Variants in GSG1L observed in about 807,000 individuals in gnomAD.
The protein encoded by GSG1L is GSG1 like, also known as germ cell-specific gene 1-like protein.
GSG1L carries 24 observed loss-of-function variants against 42.1 expected under a neutral mutation model. That is an observed-to-expected ratio of 0.57 (90% CI 0.41 to 0.80). GSG1L has a LOEUF of 0.80. Ranked by LOEUF, GSG1L falls within the 30% of genes least tolerant of loss-of-function variation. The pLI is 0.00. For missense variants in GSG1L, 445 were observed against 472.2 expected, an observed-to-expected ratio of 0.94 and a Z score of 0.53; for synonymous variants, 215 against 203.5, an observed-to-expected ratio of 1.06 and a Z score of -0.48.
intron 1 of GSG1L, among the ~76,000 whole-genome samples, chr16:28,003,721 G>C (rs1490823788): frequency 6.6e-6 from 1 of 152,188 alleles, no homozygotes; most frequent in Non-Finnish European, 1.5e-5. Context: ...AGCCTTCCCT[G>C]ATTTCCTCCA....
chr16:27,853,557 C>G (rs1469552420), intron 3 of GSG1L, among the ~76,000 whole-genome samples: 1 of 152,190 alleles, frequency 6.6e-6, no homozygotes, highest in Non-Finnish European at 1.5e-5. Flanking sequence ...AGGTGCCCCC[C>G]AACCTTGTCT....
rs139124712 is a variant in GSG1L, at chr16:27,914,472, C to T, written c.398-29834G>A. On this transcript the variant is annotated intron_variant, in intron 2 of 6. Coordinates refer to ENST00000447459, the MANE Select transcript of GSG1L (RefSeq NM_001109763.2). ...CCTGATATGCAAAGTGAGGATACAG[C>T]CTCCCAGAGCTGTTTTAGAAGCGTT... 9.2e-5 allele frequency among the ~76,000 whole-genome samples: 14 copies of T among 152,168 alleles called. 1 individual carries two copies. The highest frequency in any genetic ancestry group is 3.4e-4 in the African/African-American group (14 of 41,532).
chr16:27,892,817 T>A (rs529331421), intron 2 of GSG1L, among the ~76,000 whole-genome samples: 1 of 146,312 alleles, frequency 6.8e-6, no homozygotes, highest in South Asian at 2.1e-4. Flanking sequence ...AAAGTCACCT[T>A]AAGGAAAAAC....
At chr16:28,012,990 C>A (rs901066622) in intron 1 of GSG1L, among the ~76,000 whole-genome samples, 1 of 151,854 alleles carries the variant, frequency 6.6e-6, no homozygotes. Flanking sequence ...TTTGGGAGGC[C>A]GAGGCGGGTG....
At chr16:27,816,270 T>G (rs911730377) in intron 5 of GSG1L, among the ~76,000 whole-genome samples, 2 of 152,310 alleles carry the variant, frequency 1.3e-5, no homozygotes, top group South Asian at 2.1e-4. Flanking sequence ...GAAAGGGATA[T>G]TTTGCAAGAA....
At chr16:27,929,677 G>T (rs2084634480) in intron 2 of GSG1L, among the ~76,000 whole-genome samples, 1 of 152,142 alleles carries the variant, frequency 6.6e-6, no homozygotes, top group African/African-American at 2.4e-5. Flanking sequence ...CTATTACCCT[G>T]TCTAAATTGT....
intron 2 of GSG1L, among the ~76,000 whole-genome samples, chr16:27,933,148 G>C (rs1207647417): frequency 1.3e-5 from 2 of 152,094 alleles, no homozygotes; most frequent in Non-Finnish European, 2.9e-5. Context: ...ATGGTTGCCA[G>C]TATGGAAGGG....
At chr16:27,956,800 GAAA>G (rs750646949) in intron 2 of GSG1L, among the ~76,000 whole-genome samples, 27 of 143,010 alleles carry the variant, frequency 1.9e-4, no homozygotes, top group Non-Finnish European at 3.7e-4. Context: ...GACATGTGAG[GAAA>G]AAAAAAAAAA....
At chr16:27,869,714 C>G (rs2083783961) in intron 3 of GSG1L, among the ~76,000 whole-genome samples, 1 of 120,142 alleles carries the variant, frequency 8.3e-6, no homozygotes, top group African/African-American at 3.3e-5. Context: ...TTTCTCTCTC[C>G]TTCTCTCTCT....
Position 27,909,341 on chromosome 16 carries a change from CTTTCTTTCTTTCTTT to C in GSG1L, c.398-24718_398-24704del, listed in dbSNP as rs1215694910. On this transcript the variant is annotated intron_variant, in intron 2 of 6. Coordinates refer to ENST00000447459, the MANE Select transcript of GSG1L (RefSeq NM_001109763.2). Reference sequence around the variant, plus strand: ...TTCTTTTCTCTCTTTCTTTCTTTTTCTTTCTTTCTTTCTTTTTTCTTTCTTTCTTTCTTCTTTTTC... The same window carrying C: ...TTCTTTTCTCTCTTTCTTTCTTTTTCTTTCTTTCTTTCTTTCTTCTTTTTC... Among the ~76,000 whole-genome samples, 13 of 150,032 alleles carry C rather than the reference CTTTCTTTCTTTCTTT, an allele frequency of 8.7e-5. No homozygotes were observed. The South Asian group carries it at 1.5e-3, about 17-fold the overall frequency.
At chr16:27,928,897 T>A (rs1221984255) in intron 2 of GSG1L, among the ~76,000 whole-genome samples, 1 of 152,184 alleles carries the variant, frequency 6.6e-6, no homozygotes, top group African/African-American at 2.4e-5. Flanking sequence ...CCTTACAAAC[T>A]AGCAGACTGA....
At chr16:27,874,940 T>A (rs2083868759) in intron 3 of GSG1L, among the ~76,000 whole-genome samples, 1 of 152,184 alleles carries the variant, frequency 6.6e-6, no homozygotes, top group Admixed American at 6.6e-5. Context: ...GGACCATGCA[T>A]TAAGCCTGTG....
At chr16:27,888,460 CTT>C (rs200667142) in intron 2 of GSG1L, among the ~76,000 whole-genome samples, 246 of 15,972 alleles carry the variant, frequency 0.015, 26 homozygotes, top group African/African-American at 0.027. Context: ...TTCTTTCTTT[CTT>C]TCTCTCTCTC....
chr16:27,813,437 G>A (rs1029976473), intron 5 of GSG1L, among the ~76,000 whole-genome samples: 1 of 152,188 alleles, frequency 6.6e-6, no homozygotes, highest in Non-Finnish European at 1.5e-5. Context: ...GTATTCCATG[G>A]TGTGTATGTA....
intron 2 of GSG1L, among the ~76,000 whole-genome samples, chr16:27,962,086 A>T (rs542767647): frequency 6.6e-6 from 1 of 152,300 alleles, no homozygotes; most frequent in East Asian, 1.9e-4. Context: ...CACTCTTGGC[A>T]GCCTATCTCC....
chr16:27,888,487 CTTTCTTTCTTTCTTTCTTTCTTTCTTT>C lies in GSG1L; in HGVS notation c.398-3876_398-3850del, dbSNP rs2084072305. ...TTCTCTCTCTCTCTCTCTTTCCTTT[CTTTCTTTCTTTCTTTCTTTCTTTCTTT>C]CTTTCTTTCTTTCTTTCTTTCTTTC... On this transcript the variant is annotated intron_variant, in intron 2 of 6. Coordinates refer to ENST00000447459, the MANE Select transcript of GSG1L (RefSeq NM_001109763.2). Among the ~76,000 whole-genome samples, 25 of 13,128 alleles carry C rather than the reference CTTTCTTTCTTTCTTTCTTTCTTTCTTT, an allele frequency of 1.9e-3. 2 individuals carry two copies. The highest frequency in any genetic ancestry group is 5.2e-3 in the African/African-American group (14 of 2,708). The allele number at this position is 13,128 out of a possible 152,430, so 8.6% of individuals were successfully genotyped here.
intron 2 of GSG1L, among the ~76,000 whole-genome samples, chr16:27,921,109 A>T (rs1189480539): frequency 6.6e-6 from 1 of 152,140 alleles, no homozygotes; most frequent in Non-Finnish European, 1.5e-5. Flanking sequence ...ATCCAGTTAT[A>T]TCACTCCCCT....
intron 4 of GSG1L, among the ~76,000 whole-genome samples, chr16:27,840,153 C>G (rs1158056769): frequency 6.6e-6 from 1 of 152,020 alleles, no homozygotes; most frequent in Admixed American, 6.6e-5. Flanking sequence ...CTTTACCCTC[C>G]TGAGTGGCTG....
chr16:27,977,028 C>T (rs1436995100), intron 1 of GSG1L, among the ~76,000 whole-genome samples: 2 of 152,174 alleles, frequency 1.3e-5, no homozygotes, highest in African/African-American at 4.8e-5. Flanking sequence ...TCGAGTTTGT[C>T]ATGTTGCCTT....
Sources: allele counts gnomAD v4.1 joint callset (sites outside exome capture counted in the v4.1 genomes callset), GRCh38; gene constraint gnomAD v4.1.1; transcripts MANE v1.5; gene names NCBI Gene and HGNC (gene_info 2026-07-23, HGNC 2026-07-21).